B4GALT1: variants seen among roughly 807,000 people sequenced by gnomAD.
B4GALT1 encodes the protein beta-1,4-galactosyltransferase 1, also known as N-acetyllactosamine synthase.
In B4GALT1, 16 loss-of-function variants were observed where a neutral mutation model predicts 34.9. That is an observed-to-expected ratio of 0.46 (90% confidence interval 0.31 to 0.70). The LOEUF is 0.70. Among genes scored for constraint, B4GALT1 ranks in the 30% least tolerant of loss-of-function variants. The pLI, the probability that B4GALT1 is intolerant of heterozygous loss-of-function variation, is 0.05. For synonymous variants in B4GALT1, 221 were observed against 218.1 expected (o/e 1.01, Z -0.12); for missense variants, 445 against 530.5 (o/e 0.84, Z 1.58).
At chr9:33,135,890 A>AGAGAGTGTGTGT (rs1554686806) in intron 1 of B4GALT1, among the ~76,000 whole-genome samples, 11 of 104,046 alleles carry the variant, frequency 1.1e-4, no homozygotes, top group African/African-American at 3.7e-4. Context: ...TAACTGGGGA[A>AGAGAGTGTGTGT]GTGTGTGTGT....
chr9:33,123,089 C>A (rs1454659961), intron 2 of B4GALT1, among the ~76,000 whole-genome samples: 3 of 151,998 alleles, frequency 2.0e-5, no homozygotes, highest in African/African-American at 7.2e-5. Flanking sequence ...ACCAGCCTGG[C>A]CAACATGGCG....
chr9:33,144,425 G>A lies in B4GALT1; in HGVS notation c.413-9001C>T, dbSNP rs569957847. Among the ~76,000 whole-genome samples, 15 of 151,442 alleles carry A rather than the reference G, an allele frequency of 9.9e-5. 1 individual carries two copies. Among genetic ancestry groups the A allele is most frequent in the Middle Eastern group, 3.4e-3 (1 of 294 alleles). On this transcript the variant is annotated intron_variant, in intron 1 of 5. Coordinates refer to ENST00000379731, the MANE Select transcript of B4GALT1 (RefSeq NM_001497.4). ...AATTTTTTGTATTTTTAGTAGAGCC[G>A]GGGTTTCACCATGTTGGCCAGGCAG... is the stretch of plus-strand genomic sequence containing the variant.
intron 1 of B4GALT1, among the ~76,000 whole-genome samples, chr9:33,142,111 T>G (rs932749772): frequency 6.6e-6 from 1 of 151,892 alleles, no homozygotes; most frequent in East Asian, 1.9e-4. Context: ...GCCTCCCGAG[T>G]AGCTGGGACT....
At chr9:33,181,612 G>A in the B4GALT1 span, among the ~76,000 whole-genome samples, 130 of 152,202 alleles carry the variant, frequency 8.5e-4, 1 homozygote, top group Non-Finnish European at 1.6e-3. Context: ...CTACGGGGTC[G>A]CTATGGCCTG....
chr9:33,145,754 T>C (rs1410185038), intron 1 of B4GALT1, among the ~76,000 whole-genome samples: 1 of 152,226 alleles, frequency 6.6e-6, no homozygotes, highest in Non-Finnish European at 1.5e-5. Context: ...ACACAGTGGA[T>C]AGCAAATCAC....
chr9:33,176,179 C>T, the B4GALT1 span, among the ~76,000 whole-genome samples: 1 of 152,140 alleles, frequency 6.6e-6, no homozygotes, highest in African/African-American at 2.4e-5. Context: ...CCTCCTTTTC[C>T]AAAAGAAATA....
chr9:33,176,225 C>T, the B4GALT1 span, among the ~76,000 whole-genome samples: 1 of 152,202 alleles, frequency 6.6e-6, no homozygotes, highest in Admixed American at 6.5e-5. Flanking sequence ...GTTCAAGATG[C>T]TTCACTGGGT....
Position 33,148,757 on chromosome 9 carries a change from T to C in B4GALT1, c.413-13333A>G, listed in dbSNP as rs527723497. ...GAAGTGACTGACTCTAGGGCTGAGTTGGGGAAAGAACAAGAGGACCATGGA... is the reference window on the plus strand; with the variant it reads ...GAAGTGACTGACTCTAGGGCTGAGTCGGGGAAAGAACAAGAGGACCATGGA... On this transcript the variant is annotated intron_variant, in intron 1 of 5. Transcript: ENST00000379731. 6.1e-5 allele frequency among the ~76,000 whole-genome samples: 9 copies of C among 147,794 alleles called. No homozygotes were observed. In the South Asian group the frequency reaches 1.9e-3, roughly 31 times the overall value.
At chr9:33,171,695 C>G (rs1840842592), upstream of B4GALT1, among the ~76,000 whole-genome samples, 1 of 152,230 alleles carries the variant, frequency 6.6e-6, no homozygotes, top group South Asian at 2.1e-4. Flanking sequence ...GCTGGGACTA[C>G]CGGGATGCGC....
At chr9:33,176,958 C>T in the B4GALT1 span, among the ~76,000 whole-genome samples, 153 of 152,236 alleles carry the variant, frequency 1.0e-3, 2 homozygotes, top group African/African-American at 3.4e-3. Flanking sequence ...CAGCCACATC[C>T]GTGACCTTAA....
chr9:33,161,073 G>A (rs894500001), intron 1 of B4GALT1, among the ~76,000 whole-genome samples: 1 of 152,010 alleles, frequency 6.6e-6, no homozygotes, highest in African/African-American at 2.4e-5. Context: ...GGGCTCTGGA[G>A]AAGCAGCGGG....
chr9:33,167,086 G>A lies in B4GALT1; in HGVS notation c.84C>T (p.Ala28=), dbSNP rs749157379. The change falls in exon 1 of 6, where the codon GCC becomes GCT. Residue 28 remains alanine, a synonymous_variant. Coordinates refer to ENST00000379731, the MANE Select transcript of B4GALT1 (RefSeq NM_001497.4). ...TGACGCCAAGGTGCAGAGCGCAGAC[G>A]GCCACGAGCAGGCGGCAGGCCCGCT... ...SLQRACRLLV[A]VCALHLGVTL... 48 of 1,604,566 alleles carry A rather than the reference G, an allele frequency of 3.0e-5. No homozygotes were observed. Among genetic ancestry groups the A allele is most frequent in the Non-Finnish European group, 3.9e-5 (46 of 1,179,072 alleles).
chr9:33,109,567 T>C (rs1249595160), downstream of B4GALT1, among the ~76,000 whole-genome samples: 1 of 152,190 alleles, frequency 6.6e-6, no homozygotes, highest in Admixed American at 6.5e-5. Flanking sequence ...TACTTCTAAG[T>C]TGTGGCGGGA....
chr9:33,165,113 C>T (rs1564055452), intron 1 of B4GALT1, among the ~76,000 whole-genome samples: 1 of 151,860 alleles, frequency 6.6e-6, no homozygotes, highest in African/African-American at 2.4e-5. Context: ...GCTGCGATGC[C>T]ACCACCCCTG....
At chr9:33,132,924 A>ACAC (rs1437107942) in intron 2 of B4GALT1, among the ~76,000 whole-genome samples, 1 of 151,862 alleles carries the variant, frequency 6.6e-6, no homozygotes, top group Non-Finnish European at 1.5e-5. Context: ...TTTTTTTGAG[A>ACAC]CAGAGTCTCA....
At chr9:33,129,516 G>C (rs904917934) in intron 2 of B4GALT1, among the ~76,000 whole-genome samples, 2 of 152,174 alleles carry the variant, frequency 1.3e-5, no homozygotes, top group Non-Finnish European at 2.9e-5. Context: ...CCTGAGACTA[G>C]GGATAAACAA....
At chr9:33,108,561 GTA>G (rs1304636063), downstream of B4GALT1, 3 of 152,108 alleles carry the variant, frequency 2.0e-5, no homozygotes, top group Admixed American at 6.6e-5. Context: ...TTGAATCCAG[GTA>G]TTCTGACCTC....
the B4GALT1 span, among the ~76,000 whole-genome samples, chr9:33,175,714 C>T: frequency 1.3e-5 from 2 of 152,184 alleles, no homozygotes; most frequent in Non-Finnish European, 2.9e-5. Context: ...AGTACAGTAA[C>T]ATGTTGTGCA....
chr9:33,117,784 C>G (rs192072887), intron 3 of B4GALT1, among the ~76,000 whole-genome samples: 1 of 152,196 alleles, frequency 6.6e-6, no homozygotes, highest in Non-Finnish European at 1.5e-5. Flanking sequence ...CTGAGTCATC[C>G]ACCTTTGGCA....
Sources: allele counts gnomAD v4.1 joint callset (sites outside exome capture counted in the v4.1 genomes callset), GRCh38; gene constraint gnomAD v4.1.1; transcripts MANE v1.5; gene names NCBI Gene and HGNC (gene_info 2026-07-23, HGNC 2026-07-21).